Variants in GABRB2 observed in about 807,000 individuals in gnomAD.
GABRB2 encodes gamma-aminobutyric acid type A receptor subunit beta2.
Under a neutral mutation model 54.7 loss-of-function variants are expected in GABRB2, and 16 were observed. The ratio of observed to expected loss-of-function variants is 0.29; its 90% CI spans 0.20 to 0.44. The LOEUF (loss-of-function observed/expected upper bound fraction) is 0.44. GABRB2 is among the 20% of genes least tolerant of loss of function. The pLI, the probability that GABRB2 is intolerant of heterozygous loss-of-function variation, is 1.00. For synonymous variants in GABRB2, 244 were observed against 233.8 expected (o/e 1.04, Z -0.40); for missense variants, 355 against 644.0 (o/e 0.55, Z 4.86).
At chr5:161,452,021 A>G (rs1186651928) in intron 4 of GABRB2, among the ~76,000 whole-genome samples, 1 of 152,148 alleles carries the variant, frequency 6.6e-6, no homozygotes, top group African/African-American at 2.4e-5. Context: ...GTATGATGTA[A>G]TATTAATGAC....
chr5:161,385,184 A>G (rs1755586630), intron 5 of GABRB2, among the ~76,000 whole-genome samples: 1 of 152,186 alleles, frequency 6.6e-6, no homozygotes, highest in Non-Finnish European at 1.5e-5. Context: ...GCTGGGATGA[A>G]TATTCCTTCC....
intron 4 of GABRB2, among the ~76,000 whole-genome samples, chr5:161,430,965 A>G (rs17462318): frequency 0.02 from 3,000 of 152,308 alleles, 40 homozygotes; most frequent in Middle Eastern, 0.082. Context: ...TTCACAGTTC[A>G]GGAAACAAAG....
At chr5:161,393,093 A>C (rs1755882143) in intron 5 of GABRB2, among the ~76,000 whole-genome samples, 1 of 151,930 alleles carries the variant, frequency 6.6e-6, no homozygotes, top group South Asian at 2.1e-4. Flanking sequence ...TAAAAAATAA[A>C]AAAATAAAAA....
chr5:161,497,320 C>G (rs545304431), intron 3 of GABRB2, among the ~76,000 whole-genome samples: 1 of 152,230 alleles, frequency 6.6e-6, no homozygotes, highest in South Asian at 2.1e-4. Context: ...AGGACTGAAT[C>G]TGAAGGACAC....
intron 5 of GABRB2, among the ~76,000 whole-genome samples, chr5:161,404,714 G>T (rs936659603): frequency 6.6e-6 from 1 of 152,068 alleles, no homozygotes; most frequent in Non-Finnish European, 1.5e-5. Flanking sequence ...AAACACATAC[G>T]CTGTTCTACT....
intron 5 of GABRB2, among the ~76,000 whole-genome samples, chr5:161,367,779 A>G (rs776848139): frequency 1.1e-4 from 17 of 152,204 alleles, no homozygotes; most frequent in Non-Finnish European, 1.9e-4. Flanking sequence ...AGTGGGAATC[A>G]TATACACATT....
At chr5:161,360,136 G>C (rs1038409770) in intron 5 of GABRB2, among the ~76,000 whole-genome samples, 1 of 151,654 alleles carries the variant, frequency 6.6e-6, no homozygotes, top group Non-Finnish European at 1.5e-5. Flanking sequence ...CTACTGAAAA[G>C]ACCTTGCAAA....
At chr5:161,506,381 C>T (rs953404742) in intron 3 of GABRB2, among the ~76,000 whole-genome samples, 1 of 152,082 alleles carries the variant, frequency 6.6e-6, no homozygotes, top group Non-Finnish European at 1.5e-5. Flanking sequence ...AACTGATAAG[C>T]TTTTTCTATC....
chr5:161,447,853 T>G (rs1426127584), intron 4 of GABRB2, among the ~76,000 whole-genome samples: 1 of 152,194 alleles, frequency 6.6e-6, no homozygotes, highest in African/African-American at 2.4e-5. Flanking sequence ...GAAATAAGCC[T>G]GAAACTCCTG....
chr5:161,526,805 C>A (rs1353663571), intron 3 of GABRB2, among the ~76,000 whole-genome samples: 1 of 151,252 alleles, frequency 6.6e-6, no homozygotes, highest in Non-Finnish European at 1.5e-5. Flanking sequence ...CGTATGGGCA[C>A]AATTTAGTAA....
chr5:161,518,429 G>A (rs935410780), intron 3 of GABRB2, among the ~76,000 whole-genome samples: 1 of 152,142 alleles, frequency 6.6e-6, no homozygotes, highest in Non-Finnish European at 1.5e-5. Flanking sequence ...AGGTAGTCAG[G>A]ATTGCCTTGT....
At chr5:161,440,290 A>G (rs1318298034) in intron 4 of GABRB2, among the ~76,000 whole-genome samples, 3 of 152,108 alleles carry the variant, frequency 2.0e-5, no homozygotes, top group Non-Finnish European at 2.9e-5. Flanking sequence ...ATCAAAACAC[A>G]TTACTGGCTG....
At chr5:161,425,813 G>A (rs1461576362) in intron 4 of GABRB2, among the ~76,000 whole-genome samples, 2 of 151,898 alleles carry the variant, frequency 1.3e-5, no homozygotes, top group East Asian at 1.9e-4. Context: ...GAAATAATGG[G>A]GTACCATCTT....
intron 8 of GABRB2, among the ~76,000 whole-genome samples, 177 bp from the exon 9 acceptor site, chr5:161,326,658 A>G (rs188394170): frequency 1.3e-5 from 2 of 152,270 alleles, no homozygotes; most frequent in East Asian, 3.9e-4. Flanking sequence ...TGTTTTAAAA[A>G]CATCAAATTC....
chr5:161,547,352 G>A (rs1761019569), upstream of GABRB2, among the ~76,000 whole-genome samples: 1 of 151,196 alleles, frequency 6.6e-6, no homozygotes, highest in Non-Finnish European at 1.5e-5. Context: ...GAATAAGAAA[G>A]GCACGGAAAA....
chr5:161,405,471 A>T (rs563692414), intron 5 of GABRB2, among the ~76,000 whole-genome samples: 1 of 152,070 alleles, frequency 6.6e-6, no homozygotes, highest in Non-Finnish European at 1.5e-5. Context: ...TACAAATGAG[A>T]AACTGCAGCT....
At chr5:161,357,114 G>C (rs1227127678) in intron 5 of GABRB2, among the ~76,000 whole-genome samples, 1 of 152,194 alleles carries the variant, frequency 6.6e-6, no homozygotes, top group Non-Finnish European at 1.5e-5. Flanking sequence ...AGTTATAGGT[G>C]CTTTGGACAA....
At chr5:161,335,015 T>C in intron 6 of GABRB2, 111 bp from the exon 7 acceptor site, 1 of 1,050,654 alleles carries the variant, frequency 9.5e-7, no homozygotes, top group South Asian at 1.6e-5. Context: ...TAGCTCTTAG[T>C]GAAGGACACT....
intron 4 of GABRB2, among the ~76,000 whole-genome samples, chr5:161,434,936 G>A (rs1042119747): frequency 6.6e-6 from 1 of 152,132 alleles, no homozygotes; most frequent in Non-Finnish European, 1.5e-5. Context: ...TGCGACTCTG[G>A]TTTGATGAAC....
Sources: gnomAD v4.1 joint callset for allele counts (sites outside exome capture counted in the v4.1 genomes callset) on GRCh38, gnomAD v4.1.1 for gene constraint, MANE v1.5 for transcripts, NCBI Gene and HGNC (gene_info 2026-07-23, HGNC 2026-07-21) for gene names.